The following PDE4D variants were observed in gnomAD, a reference collection of about 807,000 sequenced individuals.
PDE4D encodes the protein phosphodiesterase 4D, also known as 3',5'-cyclic-AMP phosphodiesterase 4D.
PDE4D carries 24 observed loss-of-function variants against 87.4 expected under a neutral mutation model. The observed-to-expected ratio is 0.27, with a 90% CI of 0.20 to 0.39. The LOEUF (loss-of-function observed/expected upper bound fraction) is 0.39. PDE4D is among the 10% of genes least tolerant of loss of function. The pLI is 1.00. For synonymous variants in PDE4D, 384 were observed against 383.2 expected, an observed-to-expected ratio of 1.00 and a Z score of -0.02; for missense variants, 714 against 1,041.0, an observed-to-expected ratio of 0.69 and a Z score of 4.32.
intron 1 of PDE4D, among the ~76,000 whole-genome samples, chr5:59,224,046 G>A (rs1470513846): frequency 6.7e-6 from 1 of 149,734 alleles, no homozygotes; most frequent in Non-Finnish European, 1.5e-5. Context: ...AGAACTTTGG[G>A]AGGCTAAGGG....
At chr5:59,792,001 T>C (rs1354847515) in intron 1 of PDE4D, among the ~76,000 whole-genome samples, 1 of 152,216 alleles carries the variant, frequency 6.6e-6, no homozygotes, top group African/African-American at 2.4e-5. Context: ...TAGTATAGGA[T>C]ACAATGTGTG....
At chr5:59,285,227 A>G (rs1766692644) in intron 1 of PDE4D, among the ~76,000 whole-genome samples, 1 of 140,824 alleles carries the variant, frequency 7.1e-6, no homozygotes, top group Non-Finnish European at 1.5e-5. Flanking sequence ...AAAAAAAAAA[A>G]GAAAACAGGG....
At chr5:59,515,947 T>A (rs1455520598) in intron 1 of PDE4D, among the ~76,000 whole-genome samples, 2 of 152,182 alleles carry the variant, frequency 1.3e-5, no homozygotes, top group Non-Finnish European at 2.9e-5. Context: ...CATACAAAAG[T>A]GGATTTCTTC....
chr5:59,606,245 A>G (rs752638049), intron 1 of PDE4D, among the ~76,000 whole-genome samples: 5 of 144,936 alleles, frequency 3.4e-5, no homozygotes, highest in Non-Finnish European at 7.9e-5. Flanking sequence ...AATACATTGT[A>G]TTAACTAAAG....
At chr5:59,399,025 C>G (rs1251066014) in intron 1 of PDE4D, among the ~76,000 whole-genome samples, 1 of 120,998 alleles carries the variant, frequency 8.3e-6, no homozygotes, top group Non-Finnish European at 1.8e-5. Context: ...AACTTACAAG[C>G]GACATGAAGG....
At chr5:59,155,327 G>C (rs1410340591) in intron 5 of PDE4D, among the ~76,000 whole-genome samples, 1 of 152,150 alleles carries the variant, frequency 6.6e-6, no homozygotes, top group African/African-American at 2.4e-5. Context: ...GAAACATCTG[G>C]AACAAAATGG....
At chr5:59,654,734 T>C (rs368482) in intron 1 of PDE4D, among the ~76,000 whole-genome samples, 113,603 of 151,742 alleles carry the variant, frequency 0.75, 42,859 homozygotes, top group East Asian at 1. Flanking sequence ...AATCTTCAAT[T>C]CCCCATACCC....
rs1022877215 is a variant in PDE4D, at chr5:58,969,328, A to G, written c.*5336T>C. On this transcript the variant is annotated 3_prime_UTR_variant, in exon 15 of 15. Transcript: ENST00000340635. ...AGAATAAAGCTACAGAATGGGGGAT[A>G]TCTCACACAGGATGGTTAGCAATGG... 3 of 152,234 alleles carry G rather than the reference A, an allele frequency of 2.0e-5. No individual in the cohort carries two copies. The highest frequency in any genetic ancestry group is 7.2e-5 in the African/African-American group (3 of 41,462). The allele number at this position is 152,234 out of a possible 1,614,324, so 9.4% of individuals were successfully genotyped here.
At position 58,970,284 on chromosome 5, in the gene PDE4D, T is replaced by C. The variant is rs1327517849; in HGVS notation, c.*4380A>G. The C allele has an allele frequency of 6.6e-6, 1 of 152,186 alleles. No homozygotes were observed. Among genetic ancestry groups the C allele is most frequent in the Admixed American group, 6.5e-5 (1 of 15,274 alleles). 9.4% of individuals were successfully genotyped at this position (152,186 alleles called of 1,614,324 possible). On this transcript the variant is annotated 3_prime_UTR_variant, in exon 15 of 15. Transcript: ENST00000340635. The stretch of plus-strand genomic sequence containing the variant: ...TCAGTTAAGGATGTTTTTGTAATTA[T>C]AGTGTCCCCTTTGTACTGTTTAAAA...
chr5:59,731,003 TC>T (rs1757290418), intron 1 of PDE4D, among the ~76,000 whole-genome samples: 1 of 152,100 alleles, frequency 6.6e-6, no homozygotes, highest in East Asian at 1.9e-4. Context: ...TTTAGTGGTG[TC>T]CACTTAACTA....
chr5:59,525,776 G>C (rs1489514470), intron 1 of PDE4D, among the ~76,000 whole-genome samples: 1 of 152,132 alleles, frequency 6.6e-6, no homozygotes, highest in Non-Finnish European at 1.5e-5. Context: ...GATAGTGAGT[G>C]ACTTCTCAGG....
chr5:60,372,943 G>A (rs1339880773), intron 1 of PDE4D, among the ~76,000 whole-genome samples: 4 of 152,134 alleles, frequency 2.6e-5, no homozygotes, highest in Non-Finnish European at 4.4e-5. Context: ...CAGTGAGATG[G>A]AAAAAAACTT....
At chr5:59,652,804 G>GT (rs202089635) in intron 1 of PDE4D, among the ~76,000 whole-genome samples, 1,947 of 143,540 alleles carry the variant, frequency 0.014, 20 homozygotes, top group Admixed American at 0.046. Context: ...CTTATTGCAT[G>GT]TTTTTTTTTT....
intron 1 of PDE4D, among the ~76,000 whole-genome samples, chr5:60,261,407 T>C (rs887196469): frequency 6.6e-6 from 1 of 152,176 alleles, no homozygotes; most frequent in South Asian, 2.1e-4. Context: ...CTTTTTGTAA[T>C]CTGCAACTAA....
chr5:59,392,889 G>A (rs1398894355), intron 1 of PDE4D, among the ~76,000 whole-genome samples: 1 of 152,150 alleles, frequency 6.6e-6, no homozygotes, highest in Non-Finnish European at 1.5e-5. Context: ...CGAGTCTGGA[G>A]GTTGATGCCT....
At chr5:59,829,382 C>T (rs772804317) in intron 1 of PDE4D, among the ~76,000 whole-genome samples, 1 of 151,952 alleles carries the variant, frequency 6.6e-6, no homozygotes. Flanking sequence ...ATGTAAATTA[C>T]TTAACATTTA....
intron 5 of PDE4D, among the ~76,000 whole-genome samples, chr5:59,127,445 C>T (rs985984071): frequency 6.6e-6 from 1 of 152,000 alleles, no homozygotes; most frequent in Non-Finnish European, 1.5e-5. Flanking sequence ...CCCCCACCTC[C>T]CCCAATTTAG....
chr5:58,982,507 C>T (rs1445665113), intron 11 of PDE4D, among the ~76,000 whole-genome samples: 3 of 152,188 alleles, frequency 2.0e-5, no homozygotes, highest in Non-Finnish European at 4.4e-5. Flanking sequence ...GGCAGAAAAA[C>T]TGCAGGGAAG....
intron 1 of PDE4D, among the ~76,000 whole-genome samples, chr5:60,233,311 G>A (rs1389052416): frequency 6.6e-6 from 1 of 151,588 alleles, no homozygotes; most frequent in African/African-American, 2.4e-5. Context: ...CTAGGTAGCT[G>A]AATATCTGTA....
Sources: allele counts gnomAD v4.1 joint callset (sites outside exome capture counted in the v4.1 genomes callset), GRCh38; gene constraint gnomAD v4.1.1; transcripts MANE v1.5; gene names NCBI Gene and HGNC (gene_info 2026-07-23, HGNC 2026-07-21).